EGFLAM: variants seen among roughly 807,000 people sequenced by gnomAD.
The protein encoded by EGFLAM is pikachurin.
In EGFLAM, 79 loss-of-function variants were observed where a neutral mutation model predicts 113.1. The ratio of observed to expected loss-of-function variants is 0.70; its 90% CI spans 0.58 to 0.84. EGFLAM has a LOEUF of 0.84. EGFLAM is among the 40% of genes least tolerant of loss of function. The probability of loss-of-function intolerance (pLI) is 0.00; values close to 1 mark genes in which losing one functional copy is unlikely to be tolerated. For missense variants in EGFLAM, 1,265 were observed against 1,291.6 expected, an observed-to-expected ratio of 0.98 and a Z score of 0.32; for synonymous variants, 504 against 487.6, an observed-to-expected ratio of 1.03 and a Z score of -0.44.
At chr5:38,382,680 C>A (rs1025929137) in intron 6 of EGFLAM, among the ~76,000 whole-genome samples, 2 of 152,084 alleles carry the variant, frequency 1.3e-5, no homozygotes, top group African/African-American at 4.8e-5. Flanking sequence ...TCATATATAC[C>A]TTTTGAGATA....
chr5:38,452,460 G>A (rs1471286294), intron 19 of EGFLAM, among the ~76,000 whole-genome samples: 1 of 152,186 alleles, frequency 6.6e-6, no homozygotes, highest in East Asian at 1.9e-4. Context: ...GAACAATTCT[G>A]TGCCCTTGTT....
At chr5:38,391,079 G>T (rs1460343383) in intron 6 of EGFLAM, among the ~76,000 whole-genome samples, 1 of 151,872 alleles carries the variant, frequency 6.6e-6, no homozygotes, top group African/African-American at 2.4e-5. Context: ...AGGTCATTAG[G>T]CAATATCTTA....
At chr5:38,382,423 C>T (rs534552759) in intron 6 of EGFLAM, among the ~76,000 whole-genome samples, 21 of 152,168 alleles carry the variant, frequency 1.4e-4, no homozygotes, top group Non-Finnish European at 2.8e-4. Flanking sequence ...CTGGTGTAAA[C>T]AAAGCTGGGC....
intron 5 of EGFLAM, among the ~76,000 whole-genome samples, chr5:38,366,376 A>G (rs1254660767): frequency 1.3e-5 from 2 of 152,156 alleles, no homozygotes; most frequent in Non-Finnish European, 2.9e-5. Flanking sequence ...GCTCAGATGT[A>G]TTTTATCCCC....
At chr5:38,258,887 G>A (rs1193935922) in intron 1 of EGFLAM, 36 bp downstream of exon 1, 2 of 1,589,918 alleles carry the variant, frequency 1.3e-6, no homozygotes, top group East Asian at 4.6e-5. Context: ...ACCACGCCCC[G>A]AGCGCCCCTG....
chr5:38,437,297 G>A (rs1579930734), intron 16 of EGFLAM, among the ~76,000 whole-genome samples: 1 of 152,194 alleles, frequency 6.6e-6, no homozygotes, highest in Admixed American at 6.5e-5. Flanking sequence ...ATTCAGGAAC[G>A]TCAGGGAAGG....
At chr5:38,339,846 C>A (rs1739290768) in intron 3 of EGFLAM, among the ~76,000 whole-genome samples, 1 of 152,100 alleles carries the variant, frequency 6.6e-6, no homozygotes, top group Non-Finnish European at 1.5e-5. Context: ...CTTTTAAGCT[C>A]AAAATAGACT....
chr5:38,421,181 C>T (rs765438520), intron 12 of EGFLAM, among the ~76,000 whole-genome samples: 1 of 152,194 alleles, frequency 6.6e-6, no homozygotes, highest in Non-Finnish European at 1.5e-5. Context: ...CGTTTTTATT[C>T]CCCAGAGGGG....
chr5:38,461,466 T>C (rs1333529823), intron 20 of EGFLAM, among the ~76,000 whole-genome samples: 3 of 152,198 alleles, frequency 2.0e-5, no homozygotes, highest in African/African-American at 7.2e-5. Flanking sequence ...CTCTTAGACT[T>C]TATGAACTAG....
At chr5:38,460,424 A>G (rs1223541500) in intron 20 of EGFLAM, among the ~76,000 whole-genome samples, 1 of 152,216 alleles carries the variant, frequency 6.6e-6, no homozygotes, top group Non-Finnish European at 1.5e-5. Flanking sequence ...ATCCCAGCTC[A>G]AAGCCCTTTC....
At chr5:38,438,544 T>C in intron 17 of EGFLAM, 89 bp downstream of exon 17, 1 of 1,311,260 alleles carries the variant, frequency 7.6e-7, no homozygotes, top group South Asian at 1.9e-5. Flanking sequence ...AATGGAAGAG[T>C]TGTAACAGTG....
At chr5:38,274,551 T>C (rs1347031880) in intron 1 of EGFLAM, among the ~76,000 whole-genome samples, 1 of 150,980 alleles carries the variant, frequency 6.6e-6, no homozygotes, top group Admixed American at 6.7e-5. Flanking sequence ...TGGGATGATA[T>C]ACTCAGTTTT....
intron 1 of EGFLAM, among the ~76,000 whole-genome samples, chr5:38,311,564 G>A (rs946011807): frequency 6.6e-6 from 1 of 152,114 alleles, no homozygotes; most frequent in Non-Finnish European, 1.5e-5. Context: ...CATTGTGTGT[G>A]TACATTTTCT....
rs74821426 is a variant in EGFLAM at position 38,375,060 on chromosome 5, G to GT, written c.712+4616dup. 6.2e-3 allele frequency among the ~76,000 whole-genome samples: 668 copies of GT among 107,710 alleles called. 1 individual carries two copies. The highest frequency in any genetic ancestry group is 0.017 in the East Asian group (55 of 3,274). 70.7% of individuals were successfully genotyped at this position (107,710 alleles called of 152,430 possible). Reference sequence around the variant, plus strand: ...TAGATTGTCTGTTTACTCTGTTGTTGTTTTTTTTTTTTTTTTTTGGCTGTG... The same window carrying GT: ...TAGATTGTCTGTTTACTCTGTTGTTGTTTTTTTTTTTTTTTTTTTGGCTGTG... On this transcript the variant is annotated intron_variant, in intron 6 of 21. Coordinates refer to ENST00000322350, the MANE Select transcript of EGFLAM (RefSeq NM_152403.4).
Position 38,258,611 on chromosome 5 carries a change from G to A in EGFLAM, c.-144G>A. On this transcript the variant is annotated 5_prime_UTR_variant, in exon 1 of 22. Coordinates refer to ENST00000322350, the MANE Select transcript of EGFLAM (RefSeq NM_152403.4). ...AGTCCTACCTCTTGGAACTACCCGTGTTTCCGGGCCCAGCCCTCGCAGCCC... is the reference window on the plus strand; with the variant it reads ...AGTCCTACCTCTTGGAACTACCCGTATTTCCGGGCCCAGCCCTCGCAGCCC... 1 of 916,288 alleles carries A rather than the reference G, an allele frequency of 1.1e-6. No individual in the cohort carries two copies. The highest frequency in any genetic ancestry group is 1.5e-5 in the South Asian group (1 of 66,830). 56.8% of individuals were successfully genotyped at this position (916,288 alleles called of 1,614,324 possible).
At chr5:38,446,293 C>T (rs1393804795) in intron 17 of EGFLAM, among the ~76,000 whole-genome samples, 1 of 152,098 alleles carries the variant, frequency 6.6e-6, no homozygotes, top group African/African-American at 2.4e-5. Flanking sequence ...CTATTCCCTC[C>T]CCTCCTTTTC....
In EGFLAM at chr5:38,273,204, G is replaced by C. The variant is rs147757411; in HGVS notation, c.97+14353G>C. Reference sequence around the variant, plus strand: ...ACCATACACTTGAGGGAAAGAAAGAGAAATAAGCAAAGGAGTTTGCTTTGC... The same window carrying C: ...ACCATACACTTGAGGGAAAGAAAGACAAATAAGCAAAGGAGTTTGCTTTGC... On this transcript the variant is annotated intron_variant, in intron 1 of 21. Coordinates refer to ENST00000322350, the MANE Select transcript of EGFLAM (RefSeq NM_152403.4). Among the ~76,000 whole-genome samples, 490 of 152,298 alleles carry C rather than the reference G, an allele frequency of 3.2e-3. 3 individuals carry two copies. Among genetic ancestry groups the C allele is most frequent in the Non-Finnish European group, 6.1e-3 (417 of 68,024 alleles).
chr5:38,441,965 A>C (rs1326846737), intron 17 of EGFLAM, among the ~76,000 whole-genome samples: 2 of 152,126 alleles, frequency 1.3e-5, no homozygotes, highest in African/African-American at 4.8e-5. Flanking sequence ...TGTTGAGACA[A>C]AGCTAGGCCT....
intron 15 of EGFLAM, among the ~76,000 whole-genome samples, chr5:38,432,555 C>G (rs1025996132): frequency 6.6e-6 from 1 of 152,176 alleles, no homozygotes; most frequent in Non-Finnish European, 1.5e-5. Flanking sequence ...AAATGGAGAA[C>G]CAGAGTCACT....
Sources: gnomAD v4.1 joint callset for allele counts (sites outside exome capture counted in the v4.1 genomes callset) on GRCh38, gnomAD v4.1.1 for gene constraint, MANE v1.5 for transcripts, NCBI Gene and HGNC (gene_info 2026-07-23, HGNC 2026-07-21) for gene names.